The following ADCK2 variants were observed in gnomAD, a reference collection of about 807,000 sequenced individuals.
The protein encoded by ADCK2 is uncharacterized aarF domain-containing protein kinase 2.
ADCK2 carries 37 observed loss-of-function variants against 52.3 expected under a neutral mutation model. That is an observed-to-expected ratio of 0.71 (90% CI 0.54 to 0.93). ADCK2 has a LOEUF of 0.93. Ranked by LOEUF, ADCK2 falls within the 40% of genes least tolerant of loss-of-function variation. ADCK2 has a pLI of 0.00. For missense variants in ADCK2, 695 were observed against 798.7 expected, an observed-to-expected ratio of 0.87 and a Z score of 1.56; for synonymous variants, 321 against 349.2, an observed-to-expected ratio of 0.92 and a Z score of 0.90.
chr7:140,687,769 T>G (rs1427639320), intron 5 of ADCK2, among the ~76,000 whole-genome samples: 1 of 151,556 alleles, frequency 6.6e-6, no homozygotes, highest in Non-Finnish European at 1.5e-5. Context: ...TCCCAGCTAC[T>G]TGGGAGGCTG....
At chr7:140,689,956 T>C (rs1215313574) in intron 6 of ADCK2, among the ~76,000 whole-genome samples, 2 of 152,004 alleles carry the variant, frequency 1.3e-5, no homozygotes, top group African/African-American at 4.8e-5. Context: ...CATCCAGGGG[T>C]CGCTGTTCAT....
At position 140,679,189 on chromosome 7, in the gene ADCK2, A is replaced by G; in HGVS notation, c.1115A>G (p.His372Arg). Residue 372 changes from histidine to arginine, a missense_variant, in exon 3 of 8, where the codon CAC (histidine) becomes CGC (arginine). Physicochemically the swap from His to Arg is conservative, Grantham distance 29 (BLOSUM62 0). Coordinates refer to ENST00000072869, the MANE Select transcript of ADCK2 (RefSeq NM_052853.4). ...CGTTACGAAGCTCAGAATCTAGAACACTTCCAGGTCAACTTCCGGAATGTG... is the reference window on the plus strand; with the variant it reads ...CGTTACGAAGCTCAGAATCTAGAACGCTTCCAGGTCAACTTCCGGAATGTG... ...DLRYEAQNLE[H>R]FQVNFRNVKA... The G allele has an allele frequency of 6.2e-7, 1 of 1,613,894 alleles. No individual in the cohort carries two copies. The highest frequency in any genetic ancestry group is 8.5e-7 in the Non-Finnish European group (1 of 1,179,960).
At chr7:140,684,930 G>A (rs1234786843) in intron 4 of ADCK2, among the ~76,000 whole-genome samples, 1 of 152,112 alleles carries the variant, frequency 6.6e-6, no homozygotes, top group Non-Finnish European at 1.5e-5. Context: ...AGGGCTCCAA[G>A]GGGCACAAGA....
At position 140,689,744 on chromosome 7, in the gene ADCK2, G is replaced by A; in HGVS notation, c.1686+19G>A. 1 of 1,603,936 alleles carries A rather than the reference G, an allele frequency of 6.2e-7. No individual in the cohort carries two copies. Among genetic ancestry groups the A allele is most frequent in the Non-Finnish European group, 8.5e-7 (1 of 1,174,090 alleles). On this transcript the variant is annotated intron_variant, in intron 6 of 7. Coordinates refer to ENST00000072869, the MANE Select transcript of ADCK2 (RefSeq NM_052853.4). The stretch of plus-strand genomic sequence containing the variant: ...GGAGAAGGTGGGCAGGTCACTTGCG[G>A]AACAGGGGCTGGGGAGTCCATACCT...
At chr7:140,689,853 A>G in intron 6 of ADCK2, 128 bp downstream of exon 6, 1 of 1,203,362 alleles carries the variant, frequency 8.3e-7, no homozygotes, top group Non-Finnish European at 1.1e-6. Context: ...GAACCACCCC[A>G]CATCTTCCAG....
At chr7:140,680,476 A>G (rs1480380447) in intron 3 of ADCK2, among the ~76,000 whole-genome samples, 6 of 146,584 alleles carry the variant, frequency 4.1e-5, no homozygotes, top group African/African-American at 1.5e-4. Flanking sequence ...TTTTGTAGAG[A>G]TGGGGGTCTC....
chr7:140,676,681 T>G (rs1794424581), intron 2 of ADCK2, among the ~76,000 whole-genome samples: 1 of 152,232 alleles, frequency 6.6e-6, no homozygotes, highest in Non-Finnish European at 1.5e-5. Context: ...GGGTATAGTG[T>G]GTGAGTGTCT....
chr7:140,673,284 G>C lies in ADCK2; in HGVS notation c.-47G>C. 1 of 1,386,742 alleles carries C rather than the reference G, an allele frequency of 7.2e-7. No individual in the cohort carries two copies. The highest frequency in any genetic ancestry group is 1.6e-5 in the South Asian group (1 of 60,856). 85.9% of individuals were successfully genotyped at this position (1,386,742 alleles called of 1,614,324 possible). On this transcript the variant is annotated 5_prime_UTR_variant, in exon 1 of 8. Coordinates refer to ENST00000072869, the MANE Select transcript of ADCK2 (RefSeq NM_052853.4). This position sits in a 1 kb window ranked among gnomAD's most constrained non-coding sequence, Gnocchi z 6.4. ...TCACCGCAGCCTCGCCTGAGCGGGC[G>C]CCTCTGAAGTGGAGGGCGGGCCGCC...
At position 140,679,251 on chromosome 7, in the gene ADCK2, G is replaced by A; in HGVS notation, c.1177G>A (p.Val393Ile). ...GTTCCCCACCCCTCTGCGCCCCTTT[G>A]TCACCAGAGAAGTCTTGGTGGAAAC... is the stretch of plus-strand genomic sequence containing the variant. The part of the protein sequence containing the change: ...VKFPTPLRPF[V>I]TREVLVETYE... Residue 393 changes from valine (V) to isoleucine (I), a missense_variant, in exon 3 of 8, where the codon GTC becomes ATC. Coordinates refer to ENST00000072869, the MANE Select transcript of ADCK2 (RefSeq NM_052853.4). 2 of 1,613,412 alleles carry A rather than the reference G, an allele frequency of 1.2e-6. No individual in the cohort carries two copies. The highest frequency in any genetic ancestry group is 1.7e-6 in the Non-Finnish European group (2 of 1,179,630).
intron 3 of ADCK2, 23 bp downstream of exon 3, chr7:140,679,306 G>A (rs1419597476): frequency 1.2e-6 from 2 of 1,612,568 alleles, no homozygotes; most frequent in Non-Finnish European, 8.5e-7. Flanking sequence ...GCTTTGCCTG[G>A]CCATACCTTT....
chr7:140,691,445 C>G (rs1332805678), intron 7 of ADCK2, among the ~76,000 whole-genome samples: 2 of 152,198 alleles, frequency 1.3e-5, no homozygotes, highest in Non-Finnish European at 2.9e-5. Flanking sequence ...TCATGCTTAG[C>G]TCTTTCCTGG....
rs1424941198 is a variant in ADCK2, at chr7:140,673,627, C to T, written c.297C>T (p.Leu99=). 1 of 1,609,766 alleles carries T rather than the reference C, an allele frequency of 6.2e-7. No individual in the cohort carries two copies. The highest frequency in any genetic ancestry group is 1.3e-5 in the African/African-American group (1 of 74,944). ...GCGGCGTCTTCCTGCATCTCCGCCT[C>T]TGGCTTCGCGCCGGCGCTCTGTTGG... ...PLGGVFLHLR[L]WLRAGALLVK... is the part of the protein sequence containing the mutation. The change falls in exon 1 of 8, where the codon CTC becomes CTT. Residue 99 remains leucine, a synonymous_variant. Coordinates refer to ENST00000072869, the MANE Select transcript of ADCK2 (RefSeq NM_052853.4). This position sits in a 1 kb window ranked among gnomAD's most constrained non-coding sequence, Gnocchi z 6.4.
chr7:140,673,586 C>G lies in ADCK2; in HGVS notation c.256C>G (p.Arg86Gly), dbSNP rs367917022. The G allele has an allele frequency of 2.0e-5, 32 of 1,605,378 alleles. No homozygotes were observed. Among genetic ancestry groups the G allele is most frequent in the South Asian group, 7.7e-5 (7 of 90,882 alleles). The stretch of plus-strand genomic sequence containing the variant: ...CGCGGGGCCCGCGGAGAGCCTCCCC[C>G]GAGCGGGACCTCTGGGCGGCGTCTT... ...AGAGPAESLP[R>G]AGPLGGVFLH... Residue 86 changes from arginine (R) to glycine (G), a missense_variant, in exon 1 of 8, where the codon CGA becomes GGA. By Grantham distance (125) the Arg-to-Gly change is moderately radical. Coordinates refer to ENST00000072869, the MANE Select transcript of ADCK2 (RefSeq NM_052853.4). This position sits in a 1 kb window ranked among gnomAD's most constrained non-coding sequence, Gnocchi z 6.4.
intron 7 of ADCK2, among the ~76,000 whole-genome samples, chr7:140,691,471 G>C (rs1794701107): frequency 6.6e-6 from 1 of 152,172 alleles, no homozygotes; most frequent in Admixed American, 6.5e-5. Flanking sequence ...TGAAGTCCTG[G>C]GGTCCAGAGG....
chr7:140,679,845 G>GT (rs945628460), intron 3 of ADCK2, among the ~76,000 whole-genome samples: 11 of 151,280 alleles, frequency 7.3e-5, no homozygotes, highest in African/African-American at 2.7e-4. Context: ...GCTAATTTTT[G>GT]TATTTTTTAG....
At chr7:140,683,981 G>C (rs960275325) in intron 4 of ADCK2, among the ~76,000 whole-genome samples, 5 of 152,168 alleles carry the variant, frequency 3.3e-5, no homozygotes, top group African/African-American at 7.2e-5. Context: ...AGGATGCAGA[G>C]GGCCATGGGA....
chr7:140,682,882 T>TA (rs969298379), intron 4 of ADCK2, among the ~76,000 whole-genome samples: 13 of 150,366 alleles, frequency 8.6e-5, no homozygotes, highest in African/African-American at 3.2e-4. Context: ...AGCATGCCTT[T>TA]AGTCCCAGCT....
At chr7:140,688,532 G>A (rs1475009657) in intron 5 of ADCK2, among the ~76,000 whole-genome samples, 1 of 152,238 alleles carries the variant, frequency 6.6e-6, no homozygotes, top group African/African-American at 2.4e-5. Flanking sequence ...CAGATGGTTT[G>A]GGACTGTGGG....
intron 4 of ADCK2, among the ~76,000 whole-genome samples, chr7:140,681,543 A>C: frequency 6.6e-6 from 1 of 151,640 alleles, no homozygotes; most frequent in South Asian, 2.1e-4. Context: ...GATGGTGTCG[A>C]TCTCCTGACC....
Sources: allele counts gnomAD v4.1 joint callset (sites outside exome capture counted in the v4.1 genomes callset), GRCh38; gene constraint gnomAD v4.1.1; non-coding constraint Gnocchi (gnomAD v3.1); transcripts MANE v1.5; gene names NCBI Gene and HGNC (gene_info 2026-07-23, HGNC 2026-07-21).